The following SAMD12 variants were observed in gnomAD, a reference collection of about 807,000 sequenced individuals.
The protein encoded by SAMD12 is sterile alpha motif domain containing 12.
In SAMD12, 9 loss-of-function variants were observed where a neutral mutation model predicts 15.0. The ratio of observed to expected loss-of-function variants is 0.60; its 90% CI spans 0.36 to 1.05. SAMD12 has a LOEUF of 1.05. Ranked by LOEUF, SAMD12 falls within the 50% of genes least tolerant of loss-of-function variation. The pLI is 0.01. For missense variants in SAMD12, 230 were observed against 234.2 expected, an observed-to-expected ratio of 0.98 and a Z score of 0.12; for synonymous variants, 86 against 90.1, an observed-to-expected ratio of 0.96 and a Z score of 0.25.
intron 3 of SAMD12, among the ~76,000 whole-genome samples, chr8:118,424,207 G>A (rs1822144561): frequency 6.6e-6 from 1 of 152,036 alleles, no homozygotes; most frequent in South Asian, 2.1e-4. Context: ...AAGTATATGT[G>A]TATATCTACG....
chr8:118,199,935 T>C lies in SAMD12; in HGVS notation c.434-2203A>G, dbSNP rs150681365. Among the ~76,000 whole-genome samples, 17 of 152,322 alleles carry C rather than the reference T, an allele frequency of 1.1e-4. No individual in the cohort carries two copies. The East Asian group carries it at 2.9e-3, about 26-fold the overall frequency. ...TCCCCACCCAAATCTTATCTTGAAC[T>C]GCAGCTCCCATAATTCCCACGCATT... On this transcript the variant is annotated intron_variant, in intron 4 of 4. Coordinates refer to the SAMD12 transcript ENST00000409003.
At chr8:118,210,196 GA>G (rs1233071473) in intron 4 of SAMD12, among the ~76,000 whole-genome samples, 1 of 152,208 alleles carries the variant, frequency 6.6e-6, no homozygotes, top group Non-Finnish European at 1.5e-5. Context: ...CATGTGCCAA[GA>G]AGTACTGTTC....
At chr8:118,260,963 C>T (rs1489331458) in intron 4 of SAMD12, among the ~76,000 whole-genome samples, 1 of 152,076 alleles carries the variant, frequency 6.6e-6, no homozygotes, top group Non-Finnish European at 1.5e-5. Flanking sequence ...TTAAATTGAG[C>T]CTTCTCTTTC....
intron 3 of SAMD12, among the ~76,000 whole-genome samples, chr8:118,410,225 A>G (rs1821342989): frequency 6.6e-6 from 1 of 152,202 alleles, no homozygotes; most frequent in African/African-American, 2.4e-5. Context: ...AACAAATGAA[A>G]ATGCATGAAA....
chr8:118,142,873 A>G, the SAMD12 span, among the ~76,000 whole-genome samples: 3 of 152,176 alleles, frequency 2.0e-5, no homozygotes, highest in Non-Finnish European at 2.9e-5. Context: ...GAGGGAAGGG[A>G]TGTGTTTAGA....
chr8:118,144,787 G>A, the SAMD12 span, among the ~76,000 whole-genome samples: 1 of 152,130 alleles, frequency 6.6e-6, no homozygotes, highest in South Asian at 2.1e-4. Flanking sequence ...AGAAAAACGA[G>A]GATGCGTTTT....
intron 4 of SAMD12, among the ~76,000 whole-genome samples, chr8:118,337,996 A>G (rs1008188994): frequency 3.3e-5 from 5 of 152,242 alleles, no homozygotes; most frequent in African/African-American, 1.2e-4. Context: ...GACTTCCACC[A>G]GGGGTCTTGG....
chr8:118,280,305 G>A (rs971377535), intron 4 of SAMD12, among the ~76,000 whole-genome samples: 2 of 152,212 alleles, frequency 1.3e-5, no homozygotes, highest in East Asian at 3.9e-4. Context: ...TTCCCTTAGT[G>A]CCATTTTGTT....
chr8:118,256,646 G>A (rs1812946374), intron 4 of SAMD12, among the ~76,000 whole-genome samples: 1 of 151,942 alleles, frequency 6.6e-6, no homozygotes, highest in African/African-American at 2.4e-5. Context: ...TAAAGATAAT[G>A]ATTCAAATCT....
chr8:118,543,124 GA>G (rs1361783509), intron 2 of SAMD12, among the ~76,000 whole-genome samples: 3 of 152,178 alleles, frequency 2.0e-5, no homozygotes, highest in African/African-American at 7.2e-5. Context: ...CCTCTCCAAA[GA>G]AAATTCTAAG....
intron 4 of SAMD12, among the ~76,000 whole-genome samples, chr8:118,265,539 A>G (rs987541973): frequency 6.6e-6 from 1 of 152,122 alleles, no homozygotes; most frequent in African/African-American, 2.4e-5. Context: ...CCCTTATTCC[A>G]AGAGGAATAT....
At chr8:118,450,496 G>A (rs1427395962) in intron 2 of SAMD12, among the ~76,000 whole-genome samples, 2 of 152,158 alleles carry the variant, frequency 1.3e-5, no homozygotes, top group Admixed American at 6.5e-5. Context: ...TATGCCCTGA[G>A]CACATACCAA....
At chr8:118,316,782 G>T (rs1194448215) in intron 4 of SAMD12, among the ~76,000 whole-genome samples, 2 of 150,120 alleles carry the variant, frequency 1.3e-5, no homozygotes, top group African/African-American at 4.9e-5. Context: ...ACAGGGTCTC[G>T]CTCTGTCCAC....
At chr8:118,564,614 T>C (rs865930783) in intron 2 of SAMD12, among the ~76,000 whole-genome samples, 3 of 152,190 alleles carry the variant, frequency 2.0e-5, no homozygotes, top group African/African-American at 4.8e-5. Flanking sequence ...CCCATCTTTG[T>C]TGGGGTTTGC....
chr8:118,428,745 A>G (rs1440627268), intron 3 of SAMD12, among the ~76,000 whole-genome samples: 1 of 152,160 alleles, frequency 6.6e-6, no homozygotes, highest in Non-Finnish European at 1.5e-5. Context: ...ACATTTGGCC[A>G]TATATGTGTG....
At chr8:118,339,840 C>T (rs1173876105) in intron 4 of SAMD12, among the ~76,000 whole-genome samples, 1 of 152,242 alleles carries the variant, frequency 6.6e-6, no homozygotes, top group Non-Finnish European at 1.5e-5. Flanking sequence ...CGTTTTCACA[C>T]ATCTTGTAGT....
chr8:118,273,044 A>T (rs1420225192), intron 4 of SAMD12, among the ~76,000 whole-genome samples: 1 of 152,092 alleles, frequency 6.6e-6, no homozygotes, highest in Non-Finnish European at 1.5e-5. Flanking sequence ...CCTCTACCAT[A>T]CTAATTTACT....
intron 1 of SAMD12, among the ~76,000 whole-genome samples, chr8:118,605,707 A>G (rs1292937073): frequency 6.7e-6 from 1 of 149,382 alleles, no homozygotes; most frequent in African/African-American, 2.5e-5. Flanking sequence ...GATTATTGTG[A>G]GCAAGTAGGA....
chr8:118,428,917 C>T, intron 3 of SAMD12, among the ~76,000 whole-genome samples: 1 of 152,132 alleles, frequency 6.6e-6, no homozygotes, highest in Non-Finnish European at 1.5e-5. Flanking sequence ...AGTTTCACTA[C>T]TCTAACGTCT....
Sources: allele counts gnomAD v4.1 joint callset (sites outside exome capture counted in the v4.1 genomes callset), GRCh38; gene constraint gnomAD v4.1.1; transcripts MANE v1.5; gene names NCBI Gene and HGNC (gene_info 2026-07-23, HGNC 2026-07-21).